Variants in NOL8 observed in about 807,000 individuals in gnomAD.
NOL8 encodes nucleolar protein 8, also known as nucleolar protein Nop132.
In NOL8, 93 loss-of-function variants were observed where a neutral mutation model predicts 116.1. The ratio of observed to expected loss-of-function variants is 0.80; its 90% confidence interval spans 0.68 to 0.95. The LOEUF (loss-of-function observed/expected upper bound fraction) is 0.95, where lower values mean the gene tolerates loss of function less well. NOL8 is among the 40% of genes least tolerant of loss of function. NOL8 has a pLI of 0.00. For missense variants in NOL8, 1,291 were observed against 1,382.8 expected, an observed-to-expected ratio of 0.93 and a Z score of 1.05; for synonymous variants, 419 against 469.0, an observed-to-expected ratio of 0.89 and a Z score of 1.38.
intron 8 of NOL8, 98 bp downstream of exon 8, chr9:92,311,048 G>A: frequency 1.1e-6 from 1 of 930,586 alleles, no homozygotes; most frequent in Non-Finnish European, 1.7e-6. Context: ...GGTCTCATTG[G>A]GGCTCTCAGG....
chr9:92,298,453 G>T, intron 15 of NOL8, 117 bp from the exon 16 acceptor site: 4 of 594,078 alleles, frequency 6.7e-6, no homozygotes, highest in Admixed American at 3.6e-5. Flanking sequence ...TTTTCCCTCA[G>T]TTTCTACCTA....
At position 92,315,819 on chromosome 9, in the gene NOL8, G is replaced by C; in HGVS notation, c.806C>G (p.Pro269Arg). The C allele has an allele frequency of 6.2e-7, 1 of 1,613,982 alleles. No individual in the cohort carries two copies. The highest frequency in any genetic ancestry group is 1.3e-5 in the African/African-American group (1 of 75,052). ...TTTCTGAGTATCAGAAACAGGTACA[G>C]GAGATGATTTAGAAGGAGTAATGGA... ...CDSITPSKSS[P>R]VPVSDTQKLK... Residue 269 changes from proline to arginine, a missense_variant, in exon 7 of 17, where the codon CCT (proline) becomes CGT (arginine). Pro to Arg is a moderately radical substitution (Grantham distance 103). Coordinates refer to ENST00000442668, the MANE Select transcript of NOL8 (RefSeq NM_017948.6).
chr9:92,310,341 TC>T, intron 9 of NOL8, 80 bp from the exon 10 acceptor site: 1 of 1,274,564 alleles, frequency 7.8e-7, no homozygotes, highest in Non-Finnish European at 1.1e-6. Context: ...AATGTACACC[TC>T]CCCACACACT....
At position 92,324,178 on chromosome 9, in the gene NOL8, C is replaced by T. The variant is rs768680745; in HGVS notation, c.-17G>A. On this transcript the variant is annotated 5_prime_UTR_variant, in exon 2 of 17. Coordinates refer to ENST00000442668, the MANE Select transcript of NOL8 (RefSeq NM_017948.6). ...CACTTTCATGAAGGCTGGGCATATA[C>T]TTGGGTGTGTTTCAGTGGGAAAAGT... 3.7e-6 allele frequency: 6 copies of T among 1,608,192 alleles called. No homozygotes were observed. Among genetic ancestry groups the T allele is most frequent in the South Asian group, 3.3e-5 (3 of 90,678 alleles).
At chr9:92,318,766 C>A in intron 5 of NOL8, 80 bp from the exon 6 acceptor site, 15 of 866,084 alleles carry the variant, frequency 1.7e-5, no homozygotes, top group East Asian at 5.8e-5. Flanking sequence ...GTAAATACAA[C>A]AAAAAAATCA....
At chr9:92,304,193 G>A (rs2134093896) in intron 12 of NOL8, among the ~76,000 whole-genome samples, 1 of 152,300 alleles carries the variant, frequency 6.6e-6, no homozygotes. Context: ...CAAGTCAACG[G>A]TCAGGAAGAA....
chr9:92,303,842 A>G (rs1342417091), intron 12 of NOL8, among the ~76,000 whole-genome samples: 3 of 152,178 alleles, frequency 2.0e-5, no homozygotes, highest in African/African-American at 7.2e-5. Flanking sequence ...TCAATTGTTC[A>G]AACAATAGGG....
At position 92,315,502 on chromosome 9, in the gene NOL8, C is replaced by T; in HGVS notation, c.1123G>A (p.Glu375Lys). The change falls in exon 7 of 17, where the codon GAG becomes AAG. Residue 375 changes from glutamate (E) to lysine (K), a missense_variant. Transcript: ENST00000442668. ...TCATCTGTATCTCCTGAGTCATACT[C>T]ACGATCATTTCTCATAATATCATCA... ...SDDDIMRNDR[E>K]YDSGDTDEII... The T allele has an allele frequency of 6.2e-7, 1 of 1,609,734 alleles. No homozygotes were observed.
At chr9:92,314,195 C>T in intron 7 of NOL8, 72 bp downstream of exon 7, 2 of 1,490,364 alleles carry the variant, frequency 1.3e-6, no homozygotes, top group Non-Finnish European at 1.8e-6. Flanking sequence ...TGGGGGCACA[C>T]CTAACTTCAT....
rs192542030 is a variant in NOL8 at position 92,312,815 on chromosome 9, A to G, written c.2358+1452T>C. ...GTACTCCAGCCTGGGCAACAAGAGC[A>G]AAACTCCATCTCAAAAAAAAAAAAA... On this transcript the variant is annotated intron_variant, in intron 7 of 16. Transcript: ENST00000442668. Among the ~76,000 whole-genome samples, 26 of 147,184 alleles carry G rather than the reference A, an allele frequency of 1.8e-4. 1 individual carries two copies. The East Asian group carries it at 5.1e-3, about 29-fold the overall frequency.
intron 11 of NOL8, 42 bp from the exon 12 acceptor site, chr9:92,305,872 G>T: frequency 1.5e-6 from 2 of 1,348,278 alleles, no homozygotes; most frequent in South Asian, 1.2e-5. Flanking sequence ...GATAAAAACA[G>T]AACACTAATA....
chr9:92,301,598 C>T lies in NOL8; in HGVS notation c.3128G>A (p.Gly1043Glu), dbSNP rs1429211834. Residue 1043 changes from glycine (G) to glutamate (E), a missense_variant, in exon 13 of 17, where the codon GGG becomes GAG. Coordinates refer to ENST00000442668, the MANE Select transcript of NOL8 (RefSeq NM_017948.6). ...ALTSDAEQPS[G>E]FTFSFFDSDT... is the part of the protein sequence containing the mutation. The stretch of plus-strand genomic sequence containing the variant: ...TGAATCAAAAAAAGAGAACGTGAAC[C>T]CGCTGGGCTGCTCAGCGTCACTGGT... 1.9e-6 allele frequency: 3 copies of T among 1,606,932 alleles called. No individual in the cohort carries two copies. The highest frequency in any genetic ancestry group is 2.5e-6 in the Non-Finnish European group (3 of 1,177,308).
intron 8 of NOL8, 80 bp from the exon 9 acceptor site, chr9:92,310,755 A>G (rs1587972989): frequency 1.4e-6 from 2 of 1,446,048 alleles, no homozygotes; most frequent in East Asian, 2.3e-5. Flanking sequence ...TCTCCCTCAC[A>G]TTGAAAGCCA....
At chr9:92,322,182 AATTTT>A (rs1839983344) in intron 3 of NOL8, among the ~76,000 whole-genome samples, 1 of 152,170 alleles carries the variant, frequency 6.6e-6, no homozygotes, top group Non-Finnish European at 1.5e-5. Context: ...ACAGCACCTT[AATTTT>A]ATTTATCACC....
rs780316297 is a variant in NOL8 at position 92,315,762 on chromosome 9, A to G, written c.863T>C (p.Leu288Ser). ...LKNLPFKTSG[L>S]ETAKKRNSIS... ...GCTGTTTCTCTTCTTGGCAGTTTCC[A>G]AGCCAGAAGTCTTAAAAGGTAGATT... The change falls in exon 7 of 17, where the codon TTG becomes TCG. Residue 288 changes from leucine to serine, a missense_variant. Coordinates refer to ENST00000442668, the MANE Select transcript of NOL8 (RefSeq NM_017948.6). The G allele has an allele frequency of 8.1e-6, 13 of 1,613,466 alleles. No homozygotes were observed. The highest frequency in any genetic ancestry group is 5.1e-6 in the Non-Finnish European group (6 of 1,179,716).
chr9:92,314,817 A>T lies in NOL8; in HGVS notation c.1808T>A (p.Met603Lys). The T allele has an allele frequency of 6.2e-7, 1 of 1,613,452 alleles. No homozygotes were observed. The highest frequency in any genetic ancestry group is 8.5e-7 in the Non-Finnish European group (1 of 1,179,704). Residue 603 changes from methionine (M) to lysine (K), a missense_variant, in exon 7 of 17, where the codon ATG becomes AAG. Transcript: ENST00000442668. ...TATGATACTGGGATCCTCATGTTTCATGGAATTCTGATCTTTATTGTTAGA... is the reference window on the plus strand; with the variant it reads ...TATGATACTGGGATCCTCATGTTTCTTGGAATTCTGATCTTTATTGTTAGA... Reference protein sequence around the residue: ...VASNNKDQNSMKHEDPSIISM... With the variant: ...VASNNKDQNSKKHEDPSIISM...
intron 6 of NOL8, among the ~76,000 whole-genome samples, chr9:92,316,561 A>G (rs141707211): frequency 2.6e-4 from 40 of 152,252 alleles, no homozygotes; most frequent in African/African-American, 9.1e-4. Context: ...TCTTTTGGCT[A>G]TTTCTGTTCT....
chr9:92,318,033 C>CAAAAAAAAAAAAAAAAAAAA (rs745928872), intron 6 of NOL8, among the ~76,000 whole-genome samples: 1 of 34,602 alleles, frequency 2.9e-5, no homozygotes. Context: ...GACTCCATCT[C>CAAAAAAAAAAAAAAAAAAAA]AAAAAAAAAA....
At chr9:92,309,355 G>C (rs974331584) in intron 10 of NOL8, among the ~76,000 whole-genome samples, 1 of 152,206 alleles carries the variant, frequency 6.6e-6, no homozygotes, top group African/African-American at 2.4e-5. Context: ...TAGAGGAATG[G>C]CTTTTTTGGG....
Sources: gnomAD v4.1 joint callset for allele counts (sites outside exome capture counted in the v4.1 genomes callset) on GRCh38, gnomAD v4.1.1 for gene constraint, MANE v1.5 for transcripts, NCBI Gene and HGNC (gene_info 2026-07-23, HGNC 2026-07-21) for gene names.